ATG13: variants seen among roughly 807,000 people sequenced by gnomAD.
ATG13 encodes autophagy related 13, also known as autophagy-related protein 13.
ATG13 carries 23 observed loss-of-function variants against 65.5 expected under a neutral mutation model. That is an observed-to-expected ratio of 0.35 (90% CI 0.25 to 0.50). The LOEUF (loss-of-function observed/expected upper bound fraction) is 0.50. Among genes scored for constraint, ATG13 ranks in the 20% least tolerant of loss-of-function variants. The pLI, the probability that ATG13 is intolerant of heterozygous loss-of-function variation, is 0.98. For synonymous variants in ATG13, 252 were observed against 245.2 expected, an observed-to-expected ratio of 1.03 and a Z score of -0.26; for missense variants, 566 against 677.0, an observed-to-expected ratio of 0.84 and a Z score of 1.82.
chr11:46,638,728 G>C (rs2054854346), intron 2 of ATG13: 1 of 152,064 alleles, frequency 6.6e-6, no homozygotes, highest in Non-Finnish European at 1.5e-5. Context: ...ATGCTCTCCA[G>C]GTTCATTCAT....
chr11:46,647,865 A>G (rs1259307772), intron 5 of ATG13, among the ~76,000 whole-genome samples: 1 of 150,270 alleles, frequency 6.7e-6, no homozygotes, highest in African/African-American at 2.5e-5. Flanking sequence ...CCTGCCTCAC[A>G]CTCCAAAAGT....
intron 11 of ATG13, among the ~76,000 whole-genome samples, chr11:46,663,061 C>T (rs971068108): frequency 3.9e-5 from 6 of 151,928 alleles, no homozygotes; most frequent in South Asian, 2.1e-4. Flanking sequence ...GTCAGGAGAT[C>T]GAGACCATCC....
intron 11 of ATG13, 48 bp from the exon 12 acceptor site, chr11:46,663,949 T>TTTTTTTTTTTTTTTTTTTTTC: frequency 9.7e-7 from 1 of 1,032,562 alleles, no homozygotes; most frequent in Non-Finnish European, 1.3e-6. Flanking sequence ...CCTTTTCTTT[T>TTTTTTTTTTTTTTTTTTTTTC]TTTTTTTTTT....
At chr11:46,656,923 G>A (rs1446837154) in intron 8 of ATG13, 172 bp from the exon 9 acceptor site, 6 of 593,592 alleles carry the variant, frequency 1.0e-5, no homozygotes, top group East Asian at 2.7e-5. Flanking sequence ...ACACATACAC[G>A]CACATACACA....
At chr11:46,666,986 C>T (rs557754265) in intron 14 of ATG13, among the ~76,000 whole-genome samples, 1 of 152,252 alleles carries the variant, frequency 6.6e-6, no homozygotes, top group South Asian at 2.1e-4. Context: ...CTTCCATCCT[C>T]TCCCTTTTCT....
chr11:46,661,723 T>C (rs2061268092), intron 11 of ATG13, among the ~76,000 whole-genome samples: 1 of 151,302 alleles, frequency 6.6e-6, no homozygotes, highest in South Asian at 2.1e-4. Flanking sequence ...TGCAGCTGCT[T>C]GGAAGGCTGA....
chr11:46,667,891 A>AT lies in ATG13; in HGVS notation c.1251+9dup. On this transcript the variant is annotated splice_donor_region_variant and intron_variant, in intron 15 of 18. Transcript: ENST00000683050. ...TGTCAACAAACCCATTAACCAGGTG[A>AT]TTTTTCTGCCACTGCCACCTGTGAG... 6.2e-7 allele frequency: 1 copy of AT among 1,601,434 alleles called. No homozygotes were observed. Among genetic ancestry groups the AT allele is most frequent in the Non-Finnish European group, 8.6e-7 (1 of 1,169,116 alleles).
intron 2 of ATG13, among the ~76,000 whole-genome samples, chr11:46,640,330 T>A (rs1006541414): frequency 1.3e-5 from 2 of 152,234 alleles, no homozygotes; most frequent in Non-Finnish European, 2.9e-5. Flanking sequence ...TGTCTGTTAG[T>A]ATATTCAGTC....
At chr11:46,668,960 C>T in intron 17 of ATG13, 50 bp downstream of exon 17, 1 of 1,391,570 alleles carries the variant, frequency 7.2e-7, no homozygotes, top group African/African-American at 1.4e-5. Context: ...GGAACTAGAC[C>T]TAGAAGCATC....
At chr11:46,655,946 C>A (rs1016710039) in intron 7 of ATG13, among the ~76,000 whole-genome samples, 1 of 152,164 alleles carries the variant, frequency 6.6e-6, no homozygotes, top group African/African-American at 2.4e-5. Flanking sequence ...GTTGCCCAGA[C>A]TGGTCTTGAA....
chr11:46,640,251 G>A (rs562713469), intron 2 of ATG13, among the ~76,000 whole-genome samples: 90 of 152,290 alleles, frequency 5.9e-4, no homozygotes, highest in African/African-American at 2.0e-3. Flanking sequence ...AAAGTACAGC[G>A]TGATTAATGG....
chr11:46,672,284 T>C lies in ATG13; in HGVS notation c.1605T>C (p.His535=), dbSNP rs754681559. ...LDSLPEKLAV[H]EKNVREFDAF... ...CATTACCAGAGAAGCTGGCTGTGCA[T>C]GAGAAGAATGTCCGCGAGTTTGATG... Residue 535 remains histidine (H), a synonymous_variant, in exon 19 of 19, where the codon CAT becomes CAC. Transcript: ENST00000683050. The C allele has an allele frequency of 5.8e-5, 94 of 1,614,098 alleles. No homozygotes were observed. Among genetic ancestry groups the C allele is most frequent in the Non-Finnish European group, 7.8e-5 (92 of 1,180,028 alleles).
intron 1 of ATG13, among the ~76,000 whole-genome samples, chr11:46,623,095 G>T (rs1034745583): frequency 6.6e-6 from 1 of 151,940 alleles, no homozygotes; most frequent in Non-Finnish European, 1.5e-5. Context: ...GAGACCATCC[G>T]GGCTAACACG....
chr11:46,663,951 T>C (rs1362648549), intron 11 of ATG13, 46 bp from the exon 12 acceptor site: 7 of 1,134,876 alleles, frequency 6.2e-6, no homozygotes, highest in East Asian at 2.8e-5. Flanking sequence ...TTTTCTTTTT[T>C]TTTTTTTTTT....
chr11:46,625,951 T>A (rs1162076284), intron 1 of ATG13, among the ~76,000 whole-genome samples: 1 of 152,052 alleles, frequency 6.6e-6, no homozygotes, highest in Non-Finnish European at 1.5e-5. Flanking sequence ...TTGATTTCTT[T>A]TGTTTCTTTC....
chr11:46,650,458 C>G (rs1427272228), intron 7 of ATG13, 141 bp downstream of exon 7: 1 of 1,189,854 alleles, frequency 8.4e-7, no homozygotes, highest in African/African-American at 1.5e-5. Flanking sequence ...TTCATGTGAT[C>G]ACTATCCAGC....
chr11:46,625,949 TTTTG>T (rs2049424074), intron 1 of ATG13, among the ~76,000 whole-genome samples: 2 of 152,090 alleles, frequency 1.3e-5, no homozygotes, highest in African/African-American at 2.4e-5. Context: ...TATTGATTTC[TTTTG>T]TTTCTTTCGT....
intron 18 of ATG13, among the ~76,000 whole-genome samples, chr11:46,671,667 G>A (rs1181571393): frequency 6.6e-6 from 1 of 152,160 alleles, no homozygotes; most frequent in Non-Finnish European, 1.5e-5. Context: ...GCTTGAACTC[G>A]GGAGGCGGAG....
intron 18 of ATG13, among the ~76,000 whole-genome samples, chr11:46,671,351 C>T (rs1326005400): frequency 6.6e-6 from 1 of 152,232 alleles, no homozygotes; most frequent in Non-Finnish European, 1.5e-5. Context: ...TACTCTAGGA[C>T]AGTTAAACTT....
Sources: allele counts gnomAD v4.1 joint callset (sites outside exome capture counted in the v4.1 genomes callset), GRCh38; gene constraint gnomAD v4.1.1; transcripts MANE v1.5; gene names NCBI Gene and HGNC (gene_info 2026-07-23, HGNC 2026-07-21).